Variants in SYN3 observed in about 807,000 individuals in gnomAD.
SYN3 encodes synapsin-3.
In SYN3, 35 loss-of-function variants were observed where a neutral mutation model predicts 65.8. That is an observed-to-expected ratio of 0.53 (90% CI 0.41 to 0.70). SYN3 has a LOEUF of 0.70. Among genes scored for constraint, SYN3 ranks in the 30% least tolerant of loss-of-function variants. SYN3 has a pLI of 0.00. For synonymous variants in SYN3, 270 were observed against 292.9 expected, an observed-to-expected ratio of 0.92 and a Z score of 0.80; for missense variants, 680 against 749.0, an observed-to-expected ratio of 0.91 and a Z score of 1.08.
chr22:32,652,256 T>C (rs1262573771), intron 6 of SYN3, among the ~76,000 whole-genome samples: 6 of 152,162 alleles, frequency 3.9e-5, no homozygotes, highest in African/African-American at 1.4e-4. Flanking sequence ...GATTTCACCA[T>C]GGCCCAGGAA....
intron 7 of SYN3, among the ~76,000 whole-genome samples, chr22:32,573,741 A>C (rs2058810512): frequency 6.7e-6 from 1 of 149,786 alleles, no homozygotes; most frequent in Non-Finnish European, 1.5e-5. Flanking sequence ...AAAGGAAAGG[A>C]AAACTCACAG....
intron 12 of SYN3, among the ~76,000 whole-genome samples, chr22:32,520,092 G>A (rs1270148423): frequency 2.0e-5 from 3 of 152,026 alleles, no homozygotes; most frequent in African/African-American, 4.8e-5. Flanking sequence ...AAAAGAAATA[G>A]GTGAACATAA....
intron 6 of SYN3, among the ~76,000 whole-genome samples, chr22:32,658,219 C>T (rs1225534832): frequency 2.6e-5 from 4 of 152,312 alleles, no homozygotes; most frequent in South Asian, 2.1e-4. Flanking sequence ...TGCAGACACC[C>T]CTAGAGCCCA....
intron 6 of SYN3, among the ~76,000 whole-genome samples, chr22:32,734,597 C>A (rs138983892): frequency 6.6e-6 from 1 of 152,294 alleles, no homozygotes; most frequent in African/African-American, 2.4e-5. Context: ...ATTTGGGAAG[C>A]AGCGGAACCC....
Position 32,511,623 on chromosome 22 carries a change from C to T in SYN3, c.*2069G>A, listed in dbSNP as rs954814334. On this transcript the variant is annotated 3_prime_UTR_variant, in exon 14 of 14. Coordinates refer to ENST00000358763, the MANE Select transcript of SYN3 (RefSeq NM_003490.4). The stretch of plus-strand genomic sequence containing the variant: ...GTAAGGGTGGTGGGCTTTTTGGGCG[C>T]TAGAAAGAGTACCAGGCCTTCACCT... Among the ~76,000 whole-genome samples the T allele has an allele frequency of 6.6e-6, 1 of 152,184 alleles. No homozygotes were observed. Among genetic ancestry groups the T allele is most frequent in the African/African-American group, 2.4e-5 (1 of 41,444 alleles).
At chr22:32,864,793 A>C in intron 6 of SYN3, 122 bp downstream of exon 6, 20 of 868,722 alleles carry the variant, frequency 2.3e-5, no homozygotes, top group Middle Eastern at 2.9e-4. Context: ...ACTCCGCCTT[A>C]GAGTCTGCGT....
chr22:32,792,990 A>G (rs80269), intron 6 of SYN3, among the ~76,000 whole-genome samples: 25,251 of 152,154 alleles, frequency 0.17, 2,644 homozygotes, highest in East Asian at 0.35. Flanking sequence ...CGTTTCCTTG[A>G]CCATAAAATG....
intron 4 of SYN3, among the ~76,000 whole-genome samples, chr22:32,899,088 G>A (rs1258879786): frequency 5.6e-5 from 1 of 18,012 alleles, no homozygotes; most frequent in Non-Finnish European, 1.2e-4. Flanking sequence ...GCGACAGAGT[G>A]AGACTCTGTC....
At chr22:32,865,795 G>A (rs1327903676) in intron 5 of SYN3, among the ~76,000 whole-genome samples, 1 of 152,190 alleles carries the variant, frequency 6.6e-6, no homozygotes, top group Non-Finnish European at 1.5e-5. Context: ...CCTGAAGGAA[G>A]ACAGGCTGCA....
At chr22:32,542,886 C>T (rs940769092) in intron 7 of SYN3, among the ~76,000 whole-genome samples, 1 of 152,016 alleles carries the variant, frequency 6.6e-6, no homozygotes, top group African/African-American at 2.4e-5. Context: ...ACAGCTGGGC[C>T]AGCTGCTCCC....
chr22:32,591,211 A>G (rs939438255), intron 7 of SYN3, among the ~76,000 whole-genome samples: 2 of 152,192 alleles, frequency 1.3e-5, no homozygotes, highest in African/African-American at 4.8e-5. Context: ...TCTGCTTCCA[A>G]AGACGGAGAC....
intron 4 of SYN3, among the ~76,000 whole-genome samples, chr22:32,925,847 G>A (rs1260769902): frequency 6.8e-6 from 1 of 147,342 alleles, no homozygotes; most frequent in Non-Finnish European, 1.5e-5. Context: ...TAAATCTGAG[G>A]ACCAATGGGA....
chr22:32,670,729 C>T (rs944099180), intron 6 of SYN3, among the ~76,000 whole-genome samples: 1 of 152,190 alleles, frequency 6.6e-6, no homozygotes, highest in East Asian at 1.9e-4. Context: ...TCAGTCATTG[C>T]CAGGAAGCAT....
At chr22:33,026,957 C>T (rs1371581510) in intron 1 of SYN3, among the ~76,000 whole-genome samples, 1 of 152,162 alleles carries the variant, frequency 6.6e-6, no homozygotes, top group African/African-American at 2.4e-5. Context: ...CGTCTTTCTT[C>T]CCTTCTTTAT....
At chr22:32,847,601 GA>G (rs1164203543) in intron 6 of SYN3, among the ~76,000 whole-genome samples, 1 of 152,134 alleles carries the variant, frequency 6.6e-6, no homozygotes, top group Non-Finnish European at 1.5e-5. Flanking sequence ...TCTTAGTAAA[GA>G]TTTTTTAAAA....
chr22:32,612,950 A>G (rs1410655518), intron 6 of SYN3, among the ~76,000 whole-genome samples: 20 of 152,152 alleles, frequency 1.3e-4, no homozygotes, highest in Admixed American at 1.3e-3. Flanking sequence ...GTGGCAGGTG[A>G]TCGGATCATG....
intron 6 of SYN3, among the ~76,000 whole-genome samples, chr22:32,626,824 C>T (rs1456232880): frequency 3.3e-5 from 5 of 152,288 alleles, no homozygotes; most frequent in East Asian, 1.9e-4. Flanking sequence ...TCTTCCACAG[C>T]GTCTATCATG....
intron 10 of SYN3, among the ~76,000 whole-genome samples, chr22:32,532,977 T>TG (rs1168514828): frequency 3.6e-5 from 3 of 82,418 alleles, no homozygotes; most frequent in Non-Finnish European, 7.7e-5. Flanking sequence ...GGACATGGAG[T>TG]GGGGGGGCAG....
intron 6 of SYN3, among the ~76,000 whole-genome samples, chr22:32,680,762 AT>A (rs1318543107): frequency 1.3e-5 from 2 of 152,228 alleles, no homozygotes; most frequent in Admixed American, 1.3e-4. Flanking sequence ...TTCATGGCAT[AT>A]TTCAAAGTCA....
Sources: allele counts gnomAD v4.1 joint callset (sites outside exome capture counted in the v4.1 genomes callset), GRCh38; gene constraint gnomAD v4.1.1; transcripts MANE v1.5; gene names NCBI Gene and HGNC (gene_info 2026-07-23, HGNC 2026-07-21).